ZNF695: variants seen among roughly 807,000 people sequenced by gnomAD.
The protein encoded by ZNF695 is zinc finger protein SBZF3.
A neutral mutation model predicts 11.2 loss-of-function variants in ZNF695; 11 were observed. The observed-to-expected ratio is 0.98, with a 90% CI of 0.62 to 1.62. The LOEUF is 1.62. ZNF695 is among the 40% of genes most tolerant of loss of function. The pLI, the probability that ZNF695 is intolerant of heterozygous loss-of-function variation, is 0.00. For missense variants in ZNF695, 559 were observed against 590.5 expected, an observed-to-expected ratio of 0.95 and a Z score of 0.55; for synonymous variants, 190 against 201.4, an observed-to-expected ratio of 0.94 and a Z score of 0.48.
intron 5 of ZNF695, among the ~76,000 whole-genome samples, chr1:246,950,650 CAAAAA>C (rs200143022): frequency 3.8e-5 from 4 of 105,370 alleles, no homozygotes; most frequent in South Asian, 3.8e-4. Flanking sequence ...AACTCCGTTT[CAAAAA>C]AAAAAAAAAA....
At chr1:246,957,381 TAAAAA>T (rs748363026) in intron 5 of ZNF695, among the ~76,000 whole-genome samples, 1 of 129,486 alleles carries the variant, frequency 7.7e-6, no homozygotes, top group Admixed American at 7.9e-5. Flanking sequence ...AAACTCCGTC[TAAAAA>T]AAAAAAAAAA....
At chr1:246,951,443 G>A (rs533356277) in intron 5 of ZNF695, among the ~76,000 whole-genome samples, 10 of 152,356 alleles carry the variant, frequency 6.6e-5, no homozygotes, top group Admixed American at 5.9e-4. Context: ...GCTACCAGAA[G>A]CTGGGCGAGG....
chr1:246,959,708 G>C (rs1407326622), intron 5 of ZNF695, among the ~76,000 whole-genome samples: 1 of 152,120 alleles, frequency 6.6e-6, no homozygotes, highest in Non-Finnish European at 1.5e-5. Context: ...TTACAGGTGT[G>C]AGCCACCGTG....
chr1:246,950,953 A>C (rs1667857883), intron 5 of ZNF695, among the ~76,000 whole-genome samples: 1 of 152,134 alleles, frequency 6.6e-6, no homozygotes, highest in East Asian at 1.9e-4. Flanking sequence ...TGTTCCTCCA[A>C]AGTCATGTCA....
In ZNF695 at chr1:246,987,475, G is replaced by A. The variant is rs757137728; in HGVS notation, c.1040C>T (p.Thr347Ile). The change falls in exon 4 of 4, where the codon ACT (threonine) becomes ATT (isoleucine). Residue 347 changes from threonine to isoleucine, a missense_variant. By Grantham distance (89) the Thr-to-Ile change is moderately conservative. Coordinates refer to ENST00000339986, the MANE Select transcript of ZNF695 (RefSeq NM_020394.5). ...TTCACATCGGAAGGTTTTCTCTCCA[G>A]TATGAATTCTTCTATGTTGAGTAAG... ...SYLTQHRRIH[T>I]GEKTFRCEEC... 3.7e-6 allele frequency: 6 copies of A among 1,611,162 alleles called. No individual in the cohort carries two copies. The highest frequency in any genetic ancestry group is 5.1e-6 in the Non-Finnish European group (6 of 1,178,518).
intron 4 of ZNF695, chr1:246,967,872 A>G: frequency 4.9e-6 from 1 of 205,036 alleles, no homozygotes; most frequent in South Asian, 7.1e-5. Context: ...ACTCATCATG[A>G]GAACAGCAAA....
downstream of ZNF695, among the ~76,000 whole-genome samples, chr1:246,984,231 G>A (rs1668786835): frequency 1.5e-5 from 2 of 136,814 alleles, no homozygotes; most frequent in African/African-American, 2.7e-5. Context: ...TATATAAGAT[G>A]ACATATTGTG....
At chr1:246,945,916 T>C (rs1405447145) in intron 5 of ZNF695, 10 of 1,485,356 alleles carry the variant, frequency 6.7e-6, no homozygotes, top group African/African-American at 2.8e-5. Flanking sequence ...CCGGTTCTGA[T>C]TGAAGACTTG....
At chr1:246,997,340 T>G (rs535717065) in intron 3 of ZNF695, among the ~76,000 whole-genome samples, 80 of 152,136 alleles carry the variant, frequency 5.3e-4, no homozygotes, top group African/African-American at 1.9e-3. Flanking sequence ...CCATCTCTAC[T>G]AAAAATACAA....
intron 5 of ZNF695, among the ~76,000 whole-genome samples, chr1:246,946,570 C>T (rs940093691): frequency 2.0e-5 from 3 of 152,228 alleles, no homozygotes; most frequent in South Asian, 4.1e-4. Flanking sequence ...GGCCCTCTCC[C>T]GGTGACAGCA....
intron 2 of ZNF695, among the ~76,000 whole-genome samples, chr1:246,999,663 G>A (rs1669306863): frequency 2.0e-5 from 3 of 152,136 alleles, no homozygotes; most frequent in Non-Finnish European, 2.9e-5. Context: ...ATTGGTGGTG[G>A]AAACTGGATT....
At position 246,987,203 on chromosome 1, in the gene ZNF695, A is replaced by G. The variant is rs1377447248; in HGVS notation, c.1312T>C (p.Cys438Arg). The change falls in exon 4 of 4, where the codon TGT (cysteine) becomes CGT (arginine). Residue 438 changes from cysteine (C) to arginine (R), a missense_variant. By Grantham distance (180) the Cys-to-Arg change is radical. Coordinates refer to ENST00000339986, the MANE Select transcript of ZNF695 (RefSeq NM_020394.5). ...RIHTGEKPYKCDECGKAFNWF... is the reference protein window; with the variant it reads ...RIHTGEKPYKRDECGKAFNWF... ...TTAAAAGCTTTGCCACATTCATCAC[A>G]TTTGTAGGGTTTCTCTCCAGTATGA... 6.2e-7 allele frequency: 1 copy of G among 1,613,982 alleles called. No individual in the cohort carries two copies. The highest frequency in any genetic ancestry group is 1.1e-5 in the South Asian group (1 of 91,088).
At chr1:246,996,199 A>G (rs1343747770) in intron 3 of ZNF695, 6 of 329,876 alleles carry the variant, frequency 1.8e-5, no homozygotes, top group Admixed American at 4.4e-5. Flanking sequence ...TACAAAAAAA[A>G]AAGAAAATTA....
chr1:246,945,815 C>T (rs751149453), exon 6 of ZNF695: 84 of 1,549,916 alleles, frequency 5.4e-5, no homozygotes, highest in Non-Finnish European at 6.7e-5. Flanking sequence ...GCTCGATGGT[C>T]GACGACTGGA....
intron 4 of ZNF695, among the ~76,000 whole-genome samples, chr1:246,971,533 C>T (rs192248876): frequency 6.6e-5 from 10 of 152,236 alleles, no homozygotes; most frequent in South Asian, 2.1e-4. Flanking sequence ...CTGACGCTAC[C>T]GCTAGACCAG....
At position 246,988,101 on chromosome 1, in the gene ZNF695, CT is replaced by C. The variant is rs776982229; in HGVS notation, c.413del (p.Lys138ArgfsTer25). 30 of 1,613,582 alleles carry C rather than the reference CT, an allele frequency of 1.9e-5. No homozygotes were observed. The highest frequency in any genetic ancestry group is 6.7e-5 in the Admixed American group (4 of 59,934). On this transcript the variant is annotated frameshift_variant, in exon 4 of 4. Transcript: ENST00000339986. LOFTEE classifies it low-confidence loss of function (END_TRUNC). ...WEIVGEWKGQ[K>X]ASYNGLDLCS... ...ATAGGTCAAGTCCATTATAACTTGC[CT>C]TCTGCCCTTTCCACTCACCCACAAT...
chr1:247,001,130 T>C (rs1439300275), intron 1 of ZNF695, among the ~76,000 whole-genome samples: 1 of 152,194 alleles, frequency 6.6e-6, no homozygotes, highest in Non-Finnish European at 1.5e-5. Context: ...GACCCAACTC[T>C]ATGGTCTTCC....
intron 3 of ZNF695, among the ~76,000 whole-genome samples, chr1:246,992,569 A>T (rs1452318664): frequency 6.6e-6 from 1 of 152,256 alleles, no homozygotes; most frequent in East Asian, 1.9e-4. Flanking sequence ...CTGTAAGTCA[A>T]AAAATAAATG....
intron 1 of ZNF695, among the ~76,000 whole-genome samples, chr1:247,002,564 T>A (rs191721277): frequency 1.3e-5 from 2 of 152,320 alleles, no homozygotes; most frequent in East Asian, 3.9e-4. Context: ...TACAGGCAGA[T>A]CACCTGAGGT....
Sources: allele counts gnomAD v4.1 joint callset (sites outside exome capture counted in the v4.1 genomes callset), GRCh38; gene constraint gnomAD v4.1.1; transcripts MANE v1.5; gene names NCBI Gene and HGNC (gene_info 2026-07-23, HGNC 2026-07-21).